The following RARB variants were observed in gnomAD, a reference collection of about 807,000 sequenced individuals.
RARB encodes HBV-activated protein.
RARB carries 17 observed loss-of-function variants against 51.9 expected under a neutral mutation model. The ratio of observed to expected loss-of-function variants is 0.33; its 90% CI spans 0.22 to 0.49. The LOEUF is 0.49. RARB is among the 20% of genes least tolerant of loss of function. The pLI is 0.99. For synonymous variants in RARB, 215 were observed against 195.4 expected, an observed-to-expected ratio of 1.10 and a Z score of -0.84; for missense variants, 369 against 550.8, an observed-to-expected ratio of 0.67 and a Z score of 3.30.
intron 3 of RARB, among the ~76,000 whole-genome samples, chr3:25,524,377 A>G (rs985854223): frequency 6.6e-6 from 1 of 152,216 alleles, no homozygotes; most frequent in Admixed American, 6.5e-5. Flanking sequence ...TGTAGGCCAG[A>G]AAAATAAGAT....
intron 3 of RARB, among the ~76,000 whole-genome samples, chr3:25,066,626 C>A (rs1575144061): frequency 6.6e-6 from 1 of 151,876 alleles, no homozygotes; most frequent in Non-Finnish European, 1.5e-5. Context: ...CACACACACA[C>A]ACACACCTTT....
At chr3:25,023,792 A>C (rs1697688048) in intron 2 of RARB, among the ~76,000 whole-genome samples, 2 of 152,230 alleles carry the variant, frequency 1.3e-5, no homozygotes, top group Non-Finnish European at 2.9e-5. Context: ...CTAAACAGTT[A>C]TTCAAATGAC....
At chr3:24,988,938 G>C (rs1041798927) in intron 2 of RARB, among the ~76,000 whole-genome samples, 2 of 152,156 alleles carry the variant, frequency 1.3e-5, no homozygotes, top group East Asian at 3.8e-4. Context: ...CAATTCTCCT[G>C]CCTCAGCTTC....
rs553145762 is a variant in RARB, at chr3:24,960,400, T to C, written c.-379-99725T>C. On this transcript the variant is annotated intron_variant, in intron 2 of 11. Transcript: ENST00000383772. ...CATTTTGTTTCCTAGGAAAAGAAAATCTCACTGAAAATATTTTCTCCCAAC... is the reference window on the plus strand; with the variant it reads ...CATTTTGTTTCCTAGGAAAAGAAAACCTCACTGAAAATATTTTCTCCCAAC... 9.9e-5 allele frequency among the ~76,000 whole-genome samples: 15 copies of C among 152,280 alleles called. No individual in the cohort carries two copies. In the East Asian group the frequency reaches 2.9e-3, roughly 29 times the overall value.
At chr3:25,338,242 C>T (rs1705124030) in intron 5 of RARB, among the ~76,000 whole-genome samples, 5 of 152,138 alleles carry the variant, frequency 3.3e-5, no homozygotes, top group Non-Finnish European at 7.3e-5. Context: ...GCATTTCAGC[C>T]TCTTTTGCAG....
chr3:25,176,568 G>T (rs1427800884), intron 5 of RARB, among the ~76,000 whole-genome samples: 1 of 151,002 alleles, frequency 6.6e-6, no homozygotes, highest in Admixed American at 6.6e-5. Flanking sequence ...GCTAATTTTT[G>T]TATTTTTAGT....
In RARB at chr3:25,569,981, GACACACAC is replaced by G. The variant is rs56255512; in HGVS notation, c.609+96_609+103del. 57,162 of 1,064,456 alleles carry G rather than the reference GACACACAC, an allele frequency of 0.054. 1,121 individuals are homozygous for G. The highest frequency in any genetic ancestry group is 0.17 in the African/African-American group (10,768 of 62,318). The allele number at this position is 1,064,456 out of a possible 1,614,324, so 65.9% of individuals were successfully genotyped here. ...GAAACCTTGTACGTGCATGTGTGCA[GACACACAC>G]ACACACACACACACACACACACACA... On this transcript the variant is annotated intron_variant, in intron 4 of 7. Transcript: ENST00000330688.
At chr3:25,192,065 T>C (rs1701117240) in intron 5 of RARB, among the ~76,000 whole-genome samples, 1 of 152,136 alleles carries the variant, frequency 6.6e-6, no homozygotes, top group African/African-American at 2.4e-5. Flanking sequence ...GTTTTGAATG[T>C]TCAAAATCTA....
rs571719059 is a variant in RARB at position 25,031,395 on chromosome 3, A to G, written c.-379-28730A>G. Among the ~76,000 whole-genome samples, 18 of 152,318 alleles carry G rather than the reference A, an allele frequency of 1.2e-4. No homozygotes were observed. The South Asian group carries it at 1.2e-3, about 11-fold the overall frequency. ...TTAGTTGCCCTCTTCCTGGCCGGTA[A>G]GCTTTTCCTACAAATTCCCAAGGAA... On this transcript the variant is annotated intron_variant, in intron 2 of 11. Transcript: ENST00000383772.
At chr3:25,510,102 A>G (rs988529091) in intron 3 of RARB, among the ~76,000 whole-genome samples, 1 of 152,210 alleles carries the variant, frequency 6.6e-6, no homozygotes, top group Admixed American at 6.5e-5. Context: ...AGGTTATCCC[A>G]TGCAGCAGAT....
chr3:25,500,852 C>A (rs746841287), intron 2 of RARB, among the ~76,000 whole-genome samples: 1 of 152,088 alleles, frequency 6.6e-6, no homozygotes, highest in Non-Finnish European at 1.5e-5. Context: ...AAATTGTTCT[C>A]GTCAGCAAGG....
In RARB at chr3:25,399,962, C is replaced by T. The variant is rs576767835; in HGVS notation, c.179-61231C>T. On this transcript the variant is annotated intron_variant, in intron 5 of 11. Transcript: ENST00000383772. ...GTCACTCTATGTCTCTATTTCCTTA[C>T]TTGCAAAACGGGGATAAGAAATAAT... is the stretch of plus-strand genomic sequence containing the variant. Among the ~76,000 whole-genome samples, 111 of 152,298 alleles carry T rather than the reference C, an allele frequency of 7.3e-4. 5 individuals carry two copies. In the South Asian group the frequency reaches 0.022, roughly 30 times the overall value.
Position 25,496,120 on chromosome 3 carries a change from C to T in RARB, c.307-5062C>T, listed in dbSNP as rs148386443. Reference sequence around the variant, plus strand: ...ACTAAGGTATAATCCAAGACGGTTACTATGGCTCTGGTTATAGCTAGGACT... The same window carrying T: ...ACTAAGGTATAATCCAAGACGGTTATTATGGCTCTGGTTATAGCTAGGACT... On this transcript the variant is annotated intron_variant, in intron 2 of 7. Transcript: ENST00000330688. 2.3e-3 allele frequency among the ~76,000 whole-genome samples: 355 copies of T among 152,308 alleles called. 1 individual carries two copies. The highest frequency in any genetic ancestry group is 3.7e-3 in the Non-Finnish European group (249 of 68,024).
rs1695577038 is a variant in RARB, at chr3:24,937,792, G to A, written c.-380+79040G>A. Among the ~76,000 whole-genome samples the A allele has an allele frequency of 2.0e-5, 3 of 152,022 alleles. No individual in the cohort carries two copies. In the South Asian group the frequency reaches 6.2e-4, roughly 32 times the overall value. On this transcript the variant is annotated intron_variant, in intron 2 of 11. Transcript: ENST00000383772. ...CCACAGATATTGTTTGGCATGCAGA[G>A]TTTTTTATTAAAAAAATGGGGCGAC...
rs147320503 is a variant in RARB, at chr3:24,884,299, A to T, written c.-380+25547A>T. ...TCCAGTAAAGGAGGTTGGAAGGGCA[A>T]TGTCATATTATCTATTACACTGAAA... On this transcript the variant is annotated intron_variant, in intron 2 of 11. Transcript: ENST00000383772. 6.7e-3 allele frequency among the ~76,000 whole-genome samples: 1,020 copies of T among 152,296 alleles called. 8 individuals are homozygous for T. Among genetic ancestry groups the T allele is most frequent in the African/African-American group, 0.023 (942 of 41,562 alleles).
intron 3 of RARB, among the ~76,000 whole-genome samples, chr3:25,115,243 A>G (rs1699666449): frequency 6.6e-6 from 1 of 152,176 alleles, no homozygotes; most frequent in Admixed American, 6.5e-5. Flanking sequence ...CCCAGGGAGA[A>G]ATTTCAAGAA....
chr3:25,328,703 C>T (rs1217739699), intron 5 of RARB, among the ~76,000 whole-genome samples: 2 of 152,126 alleles, frequency 1.3e-5, no homozygotes, highest in Non-Finnish European at 2.9e-5. Flanking sequence ...GCCCATGGAA[C>T]ATGAGCCAAA....
chr3:24,969,088 C>A (rs527495831), intron 2 of RARB, among the ~76,000 whole-genome samples: 2 of 152,016 alleles, frequency 1.3e-5, no homozygotes, highest in Non-Finnish European at 2.9e-5. Flanking sequence ...CATTTAGAAT[C>A]ATTCACAAAA....
At chr3:25,587,819 T>C (rs75601904) in intron 5 of RARB, among the ~76,000 whole-genome samples, 2,338 of 152,296 alleles carry the variant, frequency 0.015, 23 homozygotes, top group Non-Finnish European at 0.026. Context: ...TCTGCCCACA[T>C]GTTGCCAAAC....
Sources: gnomAD v4.1 joint callset for allele counts (sites outside exome capture counted in the v4.1 genomes callset) on GRCh38, gnomAD v4.1.1 for gene constraint, MANE v1.5 for transcripts, NCBI Gene and HGNC (gene_info 2026-07-23, HGNC 2026-07-21) for gene names.